Variants in RGS6 observed in about 807,000 individuals in gnomAD.
RGS6 encodes regulator of G protein signaling 6.
Under a neutral mutation model 78.5 loss-of-function variants are expected in RGS6, and 30 were observed. That is an observed-to-expected ratio of 0.38 (90% CI 0.29 to 0.52). The LOEUF is 0.52. RGS6 is among the 20% of genes least tolerant of loss of function. The probability of loss-of-function intolerance (pLI) is 0.85; values close to 1 mark genes in which losing one functional copy is unlikely to be tolerated. For missense variants in RGS6, 495 were observed against 609.7 expected (o/e 0.81, Z 1.98); for synonymous variants, 206 against 206.0 (o/e 1.00, Z 0.00).
intron 3 of RGS6, among the ~76,000 whole-genome samples, chr14:72,374,235 C>A (rs959199258): frequency 2.7e-5 from 4 of 147,980 alleles, no homozygotes; most frequent in African/African-American, 9.9e-5. Flanking sequence ...GCTATCCCTC[C>A]CCCCTCCCCC....
chr14:72,287,453 T>C (rs1365914358), intron 2 of RGS6, among the ~76,000 whole-genome samples: 4 of 152,102 alleles, frequency 2.6e-5, no homozygotes, highest in Non-Finnish European at 5.9e-5. Flanking sequence ...ATGTGACCTT[T>C]TTTATTTTTA....
chr14:72,190,961 T>C (rs2238246), intron 2 of RGS6, among the ~76,000 whole-genome samples: 23,759 of 152,180 alleles, frequency 0.16, 1,925 homozygotes, highest in South Asian at 0.21. Flanking sequence ...AGAGTTCCCT[T>C]TCATCACTAG....
intron 3 of RGS6, among the ~76,000 whole-genome samples, chr14:72,386,090 T>C (rs1475313749): frequency 6.6e-6 from 1 of 152,120 alleles, no homozygotes; most frequent in Non-Finnish European, 1.5e-5. Flanking sequence ...AGGATGTGGA[T>C]TGAAGGAAGA....
chr14:71,907,803 T>A, the RGS6 span, among the ~76,000 whole-genome samples: 2 of 151,710 alleles, frequency 1.3e-5, no homozygotes, highest in African/African-American at 2.4e-5. Flanking sequence ...AGAGGTGAAA[T>A]CAACAGGGAT....
At chr14:72,322,442 C>A (rs2072356156) in intron 2 of RGS6, among the ~76,000 whole-genome samples, 1 of 151,890 alleles carries the variant, frequency 6.6e-6, no homozygotes, top group Non-Finnish European at 1.5e-5. Flanking sequence ...TGAAAGAAAA[C>A]ACCAGTCCTG....
chr14:72,248,074 T>C (rs1567573329), intron 2 of RGS6, among the ~76,000 whole-genome samples: 1 of 152,206 alleles, frequency 6.6e-6, no homozygotes, highest in East Asian at 1.9e-4. Context: ...GTGTTCCCTA[T>C]CTTAAGCCAA....
In RGS6 at chr14:72,150,018, T is replaced by C. The variant is rs559451951; in HGVS notation, c.84+185143T>C. Among the ~76,000 whole-genome samples the C allele has an allele frequency of 1.1e-3, 163 of 152,300 alleles. 1 individual carries two copies. The highest frequency in any genetic ancestry group is 2.1e-3 in the Non-Finnish European group (140 of 68,022). ...AAAGGACTGCATCAGACAAGACTGG[T>C]GAGTTGAATAGTGTTCCTCCCAAAT... On this transcript the variant is annotated intron_variant, in intron 2 of 17. Transcript: ENST00000553525.
intron 2 of RGS6, among the ~76,000 whole-genome samples, chr14:72,082,402 T>A (rs534726306): frequency 6.6e-6 from 1 of 152,108 alleles, no homozygotes; most frequent in Non-Finnish European, 1.5e-5. Context: ...TTGTAGCTAT[T>A]GAAAAAAGAT....
At chr14:72,045,147 C>G (rs1411724027) in intron 2 of RGS6, among the ~76,000 whole-genome samples, 1 of 152,198 alleles carries the variant, frequency 6.6e-6, no homozygotes, top group Non-Finnish European at 1.5e-5. Flanking sequence ...CCCCTCTTGT[C>G]TATCTATTTA....
At chr14:72,584,594 G>A in the RGS6 span, among the ~76,000 whole-genome samples, 1 of 152,174 alleles carries the variant, frequency 6.6e-6, no homozygotes, top group Non-Finnish European at 1.5e-5. Flanking sequence ...ACAGGTTGAT[G>A]CTCAAAGGCA....
chr14:72,605,497 C>G, the RGS6 span, among the ~76,000 whole-genome samples: 1 of 152,254 alleles, frequency 6.6e-6, no homozygotes, highest in Non-Finnish European at 1.5e-5. Flanking sequence ...ACATTCCTAA[C>G]CCACCCACCT....
chr14:72,023,605 G>A (rs2089206657), intron 2 of RGS6, among the ~76,000 whole-genome samples: 1 of 152,200 alleles, frequency 6.6e-6, no homozygotes, highest in South Asian at 2.1e-4. Flanking sequence ...AGAAGGCGGG[G>A]GAAGGAAAGC....
the RGS6 span, among the ~76,000 whole-genome samples, chr14:71,910,977 T>C: frequency 6.6e-6 from 1 of 152,226 alleles, no homozygotes; most frequent in Admixed American, 6.5e-5. Context: ...CTGAGTCTTG[T>C]CCTTTTTTCC....
intron 3 of RGS6, among the ~76,000 whole-genome samples, chr14:72,449,770 T>A (rs2095448048): frequency 6.6e-6 from 1 of 152,126 alleles, no homozygotes; most frequent in African/African-American, 2.4e-5. Context: ...GAGTGGCAGA[T>A]GGCCAGAGAG....
chr14:72,182,969 T>C (rs1888981748), intron 2 of RGS6, among the ~76,000 whole-genome samples: 1 of 152,198 alleles, frequency 6.6e-6, no homozygotes. Context: ...GTTACTTCCA[T>C]GACCCACCCC....
the RGS6 span, among the ~76,000 whole-genome samples, chr14:71,895,523 G>A: frequency 1.3e-5 from 2 of 152,126 alleles, no homozygotes; most frequent in African/African-American, 4.8e-5. Flanking sequence ...TCTAGGTAAA[G>A]ATCATTAGAT....
intron 2 of RGS6, among the ~76,000 whole-genome samples, chr14:72,129,192 G>A (rs1314042280): frequency 6.6e-6 from 1 of 152,160 alleles, no homozygotes; most frequent in African/African-American, 2.4e-5. Context: ...AGACAGTAGG[G>A]ACACTAAAGA....
intron 13 of RGS6, among the ~76,000 whole-genome samples, chr14:72,497,396 A>T (rs1356002560): frequency 1.3e-5 from 2 of 152,202 alleles, no homozygotes; most frequent in Non-Finnish European, 2.9e-5. Flanking sequence ...ATTTGGATAT[A>T]AAACAGTCAC....
At chr14:72,165,133 G>T (rs1385474468) in intron 2 of RGS6, among the ~76,000 whole-genome samples, 1 of 152,198 alleles carries the variant, frequency 6.6e-6, no homozygotes, top group Non-Finnish European at 1.5e-5. Flanking sequence ...GAGAAGCAAA[G>T]AATCCAGGGC....
Sources: allele counts gnomAD v4.1 joint callset (sites outside exome capture counted in the v4.1 genomes callset), GRCh38; gene constraint gnomAD v4.1.1; transcripts MANE v1.5; gene names NCBI Gene and HGNC (gene_info 2026-07-23, HGNC 2026-07-21).